Variants in ATG7 observed in about 807,000 individuals in gnomAD.
ATG7 encodes the protein ubiquitin-like modifier-activating enzyme ATG7.
ATG7 carries 70 observed loss-of-function variants against 82.4 expected under a neutral mutation model. That is an observed-to-expected ratio of 0.85 (90% CI 0.70 to 1.04). The LOEUF is 1.04. ATG7 is among the 50% of genes least tolerant of loss of function. The probability of loss-of-function intolerance (pLI) is 0.00; values close to 1 mark genes in which losing one functional copy is unlikely to be tolerated. For missense variants in ATG7, 792 were observed against 864.3 expected, an observed-to-expected ratio of 0.92 and a Z score of 1.05; for synonymous variants, 287 against 313.0, an observed-to-expected ratio of 0.92 and a Z score of 0.88.
At chr3:11,468,518 C>T (rs557298982) in intron 20 of ATG7, among the ~76,000 whole-genome samples, 1 of 152,322 alleles carries the variant, frequency 6.6e-6, no homozygotes, top group East Asian at 1.9e-4. Flanking sequence ...CCACTGAGGA[C>T]AAGCTGACAG....
intron 10 of ATG7, 100 bp from the exon 11 acceptor site, chr3:11,332,872 A>C (rs2152756677): frequency 8.2e-7 from 1 of 1,223,576 alleles, no homozygotes; most frequent in Non-Finnish European, 1.1e-6. Context: ...AATGCATTGA[A>C]TTCTCTCCAA....
intron 18 of ATG7, among the ~76,000 whole-genome samples, chr3:11,375,079 G>C (rs1333293605): frequency 6.6e-6 from 1 of 151,574 alleles, no homozygotes; most frequent in Admixed American, 6.6e-5. Flanking sequence ...GCTGAGTGTG[G>C]TGGTGTGTTC....
intron 20 of ATG7, among the ~76,000 whole-genome samples, chr3:11,447,357 C>T (rs1294484523): frequency 1.3e-5 from 2 of 151,810 alleles, no homozygotes; most frequent in Non-Finnish European, 2.9e-5. Flanking sequence ...ATCCCAACTA[C>T]TCAGGAGGCT....
chr3:11,546,002 G>GT (rs1480727226), intron 20 of ATG7, among the ~76,000 whole-genome samples: 3 of 152,064 alleles, frequency 2.0e-5, no homozygotes, highest in African/African-American at 7.2e-5. Flanking sequence ...GCTGGTTGTG[G>GT]TGGCATATGC....
intron 3 of ATG7, among the ~76,000 whole-genome samples, chr3:11,293,234 A>G (rs1169528746): frequency 2.0e-5 from 3 of 152,208 alleles, no homozygotes; most frequent in Non-Finnish European, 2.9e-5. Context: ...CTTGTTGTAG[A>G]AAGTGAATGA....
At chr3:11,515,790 A>G (rs896235080) in intron 20 of ATG7, among the ~76,000 whole-genome samples, 1 of 152,200 alleles carries the variant, frequency 6.6e-6, no homozygotes. Flanking sequence ...GAGTGTAGGT[A>G]CAGTTTAATG....
intron 9 of ATG7, among the ~76,000 whole-genome samples, chr3:11,327,341 T>C (rs1951023974): frequency 3.3e-5 from 5 of 152,256 alleles, no homozygotes; most frequent in Admixed American, 3.3e-4. Flanking sequence ...ATTTATGCAG[T>C]GAACCCTCTT....
intron 20 of ATG7, among the ~76,000 whole-genome samples, chr3:11,516,720 T>C (rs1427720521): frequency 6.6e-6 from 1 of 152,096 alleles, no homozygotes. Context: ...ATCCAGACAA[T>C]GAAATATTCC....
chr3:11,331,255 A>G (rs2152753642), intron 9 of ATG7, 85 bp from the exon 10 acceptor site: 3 of 1,130,896 alleles, frequency 2.7e-6, no homozygotes, highest in South Asian at 2.7e-5. Flanking sequence ...AAAGCATAAA[A>G]AAGCAAAGAG....
intron 19 of ATG7, among the ~76,000 whole-genome samples, chr3:11,418,946 A>T (rs2081664925): frequency 1.3e-5 from 2 of 151,990 alleles, no homozygotes; most frequent in South Asian, 4.2e-4. Flanking sequence ...CTATCGCAAG[A>T]ACAGCATGGG....
At chr3:11,543,567 G>A (rs947236574) in intron 20 of ATG7, among the ~76,000 whole-genome samples, 3 of 152,158 alleles carry the variant, frequency 2.0e-5, no homozygotes, top group African/African-American at 4.8e-5. Flanking sequence ...GAAGGCAGGC[G>A]GGTGTCTTTC....
chr3:11,525,847 C>G (rs552831720), intron 20 of ATG7, among the ~76,000 whole-genome samples: 1 of 152,220 alleles, frequency 6.6e-6, no homozygotes, highest in South Asian at 2.1e-4. Context: ...AGCCACTGCA[C>G]CTCGCCAGTT....
At chr3:11,399,700 G>A (rs1031901939) in intron 19 of ATG7, among the ~76,000 whole-genome samples, 5 of 152,200 alleles carry the variant, frequency 3.3e-5, no homozygotes, top group East Asian at 1.9e-4. Context: ...TCAGCCTCCC[G>A]AGTAGCCGGG....
At chr3:11,347,580 G>A (rs1042862834) in intron 13 of ATG7, among the ~76,000 whole-genome samples, 2 of 152,142 alleles carry the variant, frequency 1.3e-5, no homozygotes, top group African/African-American at 4.8e-5. Context: ...CAATTCTTAT[G>A]GGATTCACCT....
intron 14 of ATG7, among the ~76,000 whole-genome samples, chr3:11,354,996 A>C (rs2075835788): frequency 6.6e-6 from 1 of 152,218 alleles, no homozygotes; most frequent in African/African-American, 2.4e-5. Flanking sequence ...CTGAGGAAAC[A>C]ACCAGAATTC....
the ATG7 span, among the ~76,000 whole-genome samples, chr3:11,573,295 GA>G: frequency 2.4e-4 from 3 of 12,500 alleles, no homozygotes; most frequent in Admixed American, 1.0e-3. Context: ...AAGAAAGAAA[GA>G]AAGAAAGAAA....
At chr3:11,308,353 A>G (rs1326619809) in intron 6 of ATG7, 2 of 152,452 alleles carry the variant, frequency 1.3e-5, no homozygotes, top group Non-Finnish European at 2.9e-5. Flanking sequence ...CTGAGTATAC[A>G]TAAATTTGAA....
chr3:11,311,990 AG>A (rs1948742889), intron 7 of ATG7, among the ~76,000 whole-genome samples: 1 of 151,410 alleles, frequency 6.6e-6, no homozygotes, highest in Non-Finnish European at 1.5e-5. Context: ...GACAGAAAAT[AG>A]ATTAGTGGTT....
chr3:11,363,272 C>T (rs2076394417), intron 17 of ATG7, among the ~76,000 whole-genome samples: 2 of 150,078 alleles, frequency 1.3e-5, no homozygotes, highest in Non-Finnish European at 3.0e-5. Flanking sequence ...GACGGAATTT[C>T]GCTCTTGTTG....
Sources: gnomAD v4.1 joint callset for allele counts (sites outside exome capture counted in the v4.1 genomes callset) on GRCh38, gnomAD v4.1.1 for gene constraint, MANE v1.5 for transcripts, NCBI Gene and HGNC (gene_info 2026-07-23, HGNC 2026-07-21) for gene names.